PCBP3: variants seen among roughly 807,000 people sequenced by gnomAD.
The protein encoded by PCBP3 is poly(rC) binding protein 3.
A neutral mutation model predicts 52.7 loss-of-function variants in PCBP3; 25 were observed. That is an observed-to-expected ratio of 0.47 (90% CI 0.35 to 0.66). PCBP3 has a LOEUF of 0.66. PCBP3 is among the 30% of genes least tolerant of loss of function. The pLI is 0.01. For synonymous variants in PCBP3, 162 were observed against 183.0 expected, an observed-to-expected ratio of 0.89 and a Z score of 0.93; for missense variants, 391 against 490.3, an observed-to-expected ratio of 0.80 and a Z score of 1.91.
At chr21:45,924,036 G>A (rs868164880) in intron 13 of PCBP3, among the ~76,000 whole-genome samples, 10 of 105,790 alleles carry the variant, frequency 9.5e-5, no homozygotes, top group African/African-American at 3.4e-4. Flanking sequence ...TGCGAACACC[G>A]GGAACAGTCG....
rs755293099 is a variant in PCBP3, at chr21:45,930,000, G to T, written c.796+5G>T. On this transcript the variant is annotated splice_donor_5th_base_variant and intron_variant, in intron 14 of 17. Transcript: ENST00000681687. ...AGACCAACCCCGCTTTCCCCGGTAC[G>T]TACCCAGCCCTTTTCTCACCTCCTT... is the stretch of plus-strand genomic sequence containing the variant. 6.2e-7 allele frequency: 1 copy of T among 1,606,438 alleles called. No homozygotes were observed. The highest frequency in any genetic ancestry group is 1.1e-5 in the South Asian group (1 of 90,842).
At chr21:45,701,513 A>T (rs1319588920) in intron 2 of PCBP3, among the ~76,000 whole-genome samples, 3 of 152,244 alleles carry the variant, frequency 2.0e-5, no homozygotes, top group Admixed American at 6.5e-5. Context: ...TACAATAATA[A>T]TGAACCCATT....
At chr21:45,870,120 CATTT>C (rs1342536005) in intron 5 of PCBP3, among the ~76,000 whole-genome samples, 3 of 152,080 alleles carry the variant, frequency 2.0e-5, no homozygotes, top group South Asian at 4.2e-4. Context: ...CTACTTTTAT[CATTT>C]ATTTATCTTG....
intron 1 of PCBP3, among the ~76,000 whole-genome samples, chr21:45,657,517 C>T (rs2080095625): frequency 6.6e-6 from 1 of 152,198 alleles, no homozygotes; most frequent in African/African-American, 2.4e-5. Context: ...ATGTCTCTCT[C>T]TATGCCAGCA....
intron 2 of PCBP3, among the ~76,000 whole-genome samples, chr21:45,702,778 T>A (rs1408917232): frequency 2.0e-5 from 3 of 152,212 alleles, no homozygotes; most frequent in Non-Finnish European, 2.9e-5. Context: ...GGACTCTTCC[T>A]TTCACGAAAG....
intron 2 of PCBP3, among the ~76,000 whole-genome samples, chr21:45,734,317 G>A (rs1011414936): frequency 3.3e-5 from 5 of 152,050 alleles, no homozygotes; most frequent in African/African-American, 4.8e-5. Flanking sequence ...TTCTTCCCCC[G>A]ACCTCCTGTA....
chr21:45,785,547 C>T (rs1391528883), intron 4 of PCBP3, among the ~76,000 whole-genome samples: 4 of 149,342 alleles, frequency 2.7e-5, no homozygotes, highest in Admixed American at 2.6e-4. Context: ...CCGCCCCATC[C>T]GGGAGGTGAG....
intron 2 of PCBP3, among the ~76,000 whole-genome samples, chr21:45,705,790 G>A (rs1416287389): frequency 1.3e-5 from 2 of 152,050 alleles, no homozygotes; most frequent in Non-Finnish European, 2.9e-5. Context: ...TTGGTTCATA[G>A]GTTGTACAGA....
rs2073774307 is a variant in PCBP3 at position 45,917,919 on chromosome 21, GT to G, written c.717+291del. On this transcript the variant is annotated intron_variant, in intron 13 of 17. Transcript: ENST00000681687. This position sits in a 1 kb window ranked among gnomAD's most constrained non-coding sequence, Gnocchi z 5.3. ...CTGGGAGGGAACTGAGACGGGCTCT[GT>G]CCCCGTGCAGGGCAGTGAGGATGTG... is the stretch of plus-strand genomic sequence containing the variant. 8.9e-6 allele frequency: 4 copies of G among 450,984 alleles called. No homozygotes were observed. Among genetic ancestry groups the G allele is most frequent in the Non-Finnish European group, 1.7e-5 (4 of 240,796 alleles). 27.9% of individuals were successfully genotyped at this position (450,984 alleles called of 1,614,324 possible).
intron 4 of PCBP3, among the ~76,000 whole-genome samples, chr21:45,835,878 C>T (rs559459277): frequency 1.3e-5 from 2 of 151,310 alleles, no homozygotes; most frequent in Admixed American, 6.6e-5. Flanking sequence ...GCCAGTGTCA[C>T]GGCAGCCCCA....
intron 5 of PCBP3, among the ~76,000 whole-genome samples, chr21:45,895,678 G>A (rs911095277): frequency 2.0e-5 from 3 of 152,372 alleles, no homozygotes; most frequent in Non-Finnish European, 2.9e-5. Flanking sequence ...GACACCAGCC[G>A]TTTGGCAGCT....
chr21:45,789,353 C>T (rs1000134741), intron 4 of PCBP3, among the ~76,000 whole-genome samples: 1 of 152,092 alleles, frequency 6.6e-6, no homozygotes, highest in African/African-American at 2.4e-5. Context: ...TGAGTGGGTG[C>T]ATGTGTACAT....
intron 10 of PCBP3, among the ~76,000 whole-genome samples, chr21:45,910,495 A>ATCCT (rs2096365501): frequency 6.6e-6 from 1 of 152,106 alleles, no homozygotes; most frequent in Non-Finnish European, 1.5e-5. Context: ...GAAAGCCTGA[A>ATCCT]TCCTTGCCCT....
At chr21:45,937,905 C>G (rs1481858311) in intron 16 of PCBP3, among the ~76,000 whole-genome samples, 1 of 152,248 alleles carries the variant, frequency 6.6e-6, no homozygotes, top group Non-Finnish European at 1.5e-5. Flanking sequence ...GCGGGCATGC[C>G]CTGGCTGCTC....
At chr21:45,713,591 C>A (rs1372003501) in intron 2 of PCBP3, among the ~76,000 whole-genome samples, 1 of 152,240 alleles carries the variant, frequency 6.6e-6, no homozygotes, top group Admixed American at 6.5e-5. Context: ...ATGTACCTGA[C>A]CCTCTTCTTG....
chr21:45,646,896 T>C (rs1365138484), intron 1 of PCBP3, among the ~76,000 whole-genome samples: 1 of 152,238 alleles, frequency 6.6e-6, no homozygotes, highest in Non-Finnish European at 1.5e-5. Context: ...TCTGTTTATG[T>C]GTTGGGCTAC....
Position 45,930,803 on chromosome 21 carries a change from C to T in PCBP3, c.814C>T (p.His272Tyr). Residue 272 changes from histidine to tyrosine, a missense_variant, in exon 15 of 18, where the codon CAC (histidine) becomes TAC (tyrosine). Transcript: ENST00000681687. ...PAFPGEKLPL[H>Y]SSEEAQNLMG... ...CTCTCCAGGAGAAAAGCTGCCTTTA[C>T]ACTCCTCCGAAGAAGCTCAAAATCT... 1 of 1,473,570 alleles carries T rather than the reference C, an allele frequency of 6.8e-7. No homozygotes were observed. The highest frequency in any genetic ancestry group is 9.5e-7 in the Non-Finnish European group (1 of 1,051,750). The allele number at this position is 1,473,570 out of a possible 1,614,324, so 91.3% of individuals were successfully genotyped here.
chr21:45,922,486 T>G lies in PCBP3; in HGVS notation c.717+4857T>G, dbSNP rs372778803. ...GGGGCAGTTACCTGAGCTCCGGCAG[T>G]CGAGACTGTAGTGAGCAGAGATTGC... On this transcript the variant is annotated intron_variant, in intron 13 of 17. Transcript: ENST00000681687. 3.5e-3 allele frequency among the ~76,000 whole-genome samples: 526 copies of G among 152,190 alleles called. 1 individual carries two copies. Among genetic ancestry groups the G allele is most frequent in the African/African-American group, 0.011 (468 of 41,520 alleles).
rs554606513 is a variant in PCBP3, at chr21:45,798,720, G to A, written c.-126+43268G>A. ...ATCTGTAGAGAGAGTGAATGGATGT[G>A]TACATGGATGAATGCATGGATCCAT... On this transcript the variant is annotated intron_variant, in intron 4 of 17. Coordinates refer to ENST00000681687, the MANE Select transcript of PCBP3 (RefSeq NM_001384156.1). 8.4e-4 allele frequency among the ~76,000 whole-genome samples: 123 copies of A among 146,612 alleles called. 1 individual carries two copies. Among genetic ancestry groups the A allele is most frequent in the African/African-American group, 2.9e-3 (113 of 39,228 alleles).
Sources: gnomAD v4.1 joint callset for allele counts (sites outside exome capture counted in the v4.1 genomes callset) on GRCh38, gnomAD v4.1.1 for gene constraint, Gnocchi (gnomAD v3.1) non-coding constraint, MANE v1.5 for transcripts, NCBI Gene and HGNC (gene_info 2026-07-23, HGNC 2026-07-21) for gene names.